Variants in AP4E1 observed in about 807,000 individuals in gnomAD.
AP4E1 encodes the protein adaptor related protein complex 4 subunit epsilon 1, also known as AP-4 complex subunit epsilon-1.
In AP4E1, 56 loss-of-function variants were observed where a neutral mutation model predicts 128.2. The ratio of observed to expected loss-of-function variants is 0.44; its 90% CI spans 0.35 to 0.55. AP4E1 has a LOEUF of 0.55. AP4E1 is among the 20% of genes least tolerant of loss of function. The probability of loss-of-function intolerance (pLI) is 0.00; values close to 1 mark genes in which losing one functional copy is unlikely to be tolerated. For synonymous variants in AP4E1, 484 were observed against 473.1 expected, an observed-to-expected ratio of 1.02 and a Z score of -0.30; for missense variants, 1,324 against 1,307.7, an observed-to-expected ratio of 1.01 and a Z score of -0.19.
At chr15:50,927,659 T>TTCTTC (rs1412326817) in intron 5 of AP4E1, among the ~76,000 whole-genome samples, 2 of 151,298 alleles carry the variant, frequency 1.3e-5, no homozygotes, top group Non-Finnish European at 2.9e-5. Flanking sequence ...TAATCTGCCT[T>TTCTTC]TCTTTTCTTT....
intron 16 of AP4E1, among the ~76,000 whole-genome samples, chr15:50,984,715 C>T (rs1184194367): frequency 1.3e-5 from 2 of 152,188 alleles, no homozygotes; most frequent in Non-Finnish European, 1.5e-5. Flanking sequence ...CATTGATGGA[C>T]ATTTGGGTTG....
intron 13 of AP4E1, among the ~76,000 whole-genome samples, chr15:50,954,304 T>G (rs2064188314): frequency 6.6e-6 from 1 of 152,176 alleles, no homozygotes. Flanking sequence ...TCTGGAAGAG[T>G]TTGCATAAAA....
intron 8 of AP4E1, among the ~76,000 whole-genome samples, chr15:50,939,419 G>A (rs1315945644): frequency 6.7e-6 from 1 of 150,218 alleles, no homozygotes; most frequent in Non-Finnish European, 1.5e-5. Flanking sequence ...GTTGCAGACT[G>A]CATCTCAAAA....
intron 15 of AP4E1, among the ~76,000 whole-genome samples, chr15:50,969,758 A>G (rs1276214273): frequency 2.0e-5 from 3 of 149,728 alleles, no homozygotes; most frequent in Non-Finnish European, 1.5e-5. Context: ...TCCTGGGTTC[A>G]TGCCATTCTC....
chr15:50,928,217 A>G (rs572201577), intron 5 of AP4E1, among the ~76,000 whole-genome samples: 4 of 151,608 alleles, frequency 2.6e-5, no homozygotes, highest in Non-Finnish European at 4.4e-5. Context: ...CTATCCAGTG[A>G]TATATATATA....
At chr15:50,927,555 C>G (rs1449658278) in intron 5 of AP4E1, among the ~76,000 whole-genome samples, 1 of 149,432 alleles carries the variant, frequency 6.7e-6, no homozygotes, top group Admixed American at 6.6e-5. Context: ...TACCTATTCT[C>G]CCCCAGAATT....
In AP4E1 at chr15:50,925,182, G is replaced by A. The variant is rs753731169; in HGVS notation, c.505G>A (p.Val169Ile). The change falls in exon 5 of 21, where the codon GTT becomes ATT. Residue 169 changes from valine to isoleucine, a missense_variant. By Grantham distance (29) the Val-to-Ile change is conservative. Transcript: ENST00000261842. The part of the protein sequence containing the change: ...QIFPCEMIPA[V>I]LPLIEDKLQH... ...TTTCCCCTGCGAAATGATTCCAGCT[G>A]TTCTTCCATTAATAGAAGATAAACT... 1.2e-6 allele frequency: 2 copies of A among 1,613,638 alleles called. No homozygotes were observed. Among genetic ancestry groups the A allele is most frequent in the Non-Finnish European group, 1.7e-6 (2 of 1,179,592 alleles).
intron 3 of AP4E1, chr15:50,915,796 T>C (rs2063623655): frequency 1.9e-6 from 1 of 531,562 alleles, no homozygotes; most frequent in Admixed American, 3.2e-5. Flanking sequence ...GATTTCTTGC[T>C]CTTGTGATGG....
Position 50,999,217 on chromosome 15 carries a change from C to T in AP4E1, c.3050C>T (p.Ala1017Val). The T allele has an allele frequency of 6.2e-7, 1 of 1,612,758 alleles. No individual in the cohort carries two copies. The highest frequency in any genetic ancestry group is 8.5e-7 in the Non-Finnish European group (1 of 1,179,250). The change falls in exon 19 of 21, where the codon GCT (alanine) becomes GTT (valine). Residue 1017 changes from alanine (A) to valine (V), a missense_variant. Ala to Val is a moderately conservative substitution (Grantham distance 64). Coordinates refer to ENST00000261842, the MANE Select transcript of AP4E1 (RefSeq NM_007347.5). Reference sequence around the variant, plus strand: ...TATCATATGATGGATACTCATTCTGCTCAGCTGGAATTTTCTGTAAACTTA... The same window carrying T: ...TATCATATGATGGATACTCATTCTGTTCAGCTGGAATTTTCTGTAAACTTA... ...ISYHMMDTHS[A>V]QLEFSVNLSL...
chr15:50,920,112 T>TCC (rs1222161176), intron 3 of AP4E1, among the ~76,000 whole-genome samples: 1 of 32,668 alleles, frequency 3.1e-5, no homozygotes, highest in Admixed American at 3.5e-4. Flanking sequence ...ATTTATGCCT[T>TCC]TTTTTTTTTT....
intron 15 of AP4E1, among the ~76,000 whole-genome samples, chr15:50,969,513 A>ATTTTG (rs2064447320): frequency 4.1e-5 from 1 of 24,292 alleles, no homozygotes; most frequent in Admixed American, 2.4e-4. Flanking sequence ...TTATTTTTAA[A>ATTTTG]TTTTCTTAAT....
rs1052138905 is a variant in AP4E1 at position 50,908,709 on chromosome 15, C to G, written c.-70C>G. 6 of 1,395,862 alleles carry G rather than the reference C, an allele frequency of 4.3e-6. No homozygotes were observed. The African/African-American group carries it at 9.2e-5, about 21-fold the overall frequency. The allele number at this position is 1,395,862 out of a possible 1,614,324, so 86.5% of individuals were successfully genotyped here. ...GTGCCTACGGAGGCCGGGCCGGCAGCGGCGGCCGGGCATGAAGCCGGGCGG... is the reference window on the plus strand; with the variant it reads ...GTGCCTACGGAGGCCGGGCCGGCAGGGGCGGCCGGGCATGAAGCCGGGCGG... On this transcript the variant is annotated 5_prime_UTR_variant, in exon 1 of 21. Transcript: ENST00000261842.
intron 14 of AP4E1, among the ~76,000 whole-genome samples, chr15:50,964,913 C>T (rs2064365918): frequency 6.8e-6 from 1 of 146,968 alleles, no homozygotes; most frequent in Non-Finnish European, 1.5e-5. Context: ...AGAGTGAGTT[C>T]TTGAGAGATC....
intron 16 of AP4E1, among the ~76,000 whole-genome samples, chr15:50,986,009 C>T (rs560588379): frequency 1.6e-4 from 24 of 152,272 alleles, no homozygotes; most frequent in Non-Finnish European, 3.2e-4. Context: ...TGTAGTTCTG[C>T]TTGAAGAGGT....
intron 10 of AP4E1, among the ~76,000 whole-genome samples, chr15:50,943,322 T>C (rs184830970): frequency 1.3e-5 from 2 of 152,276 alleles, no homozygotes; most frequent in East Asian, 3.9e-4. Flanking sequence ...GAGAGAACAC[T>C]ATTACATTAA....
chr15:50,995,143 A>G (rs1206479994), intron 17 of AP4E1, among the ~76,000 whole-genome samples: 1 of 152,160 alleles, frequency 6.6e-6, no homozygotes, highest in Non-Finnish European at 1.5e-5. Flanking sequence ...CAAAGCAGAC[A>G]GGATTGGGAC....
intron 10 of AP4E1, among the ~76,000 whole-genome samples, chr15:50,947,748 C>T (rs565722925): frequency 1.3e-5 from 2 of 152,240 alleles, no homozygotes; most frequent in African/African-American, 4.8e-5. Flanking sequence ...TTTTTAGTCT[C>T]TAAGTGTTCT....
At chr15:50,912,740 G>A (rs1409770805) in intron 2 of AP4E1, among the ~76,000 whole-genome samples, 1 of 150,558 alleles carries the variant, frequency 6.6e-6, no homozygotes, top group East Asian at 2.0e-4. Flanking sequence ...TCAGCTCACT[G>A]CAACCTCTGC....
At chr15:50,983,486 T>A (rs569932271) in intron 15 of AP4E1, among the ~76,000 whole-genome samples, 39 of 152,322 alleles carry the variant, frequency 2.6e-4, no homozygotes, top group African/African-American at 8.7e-4. Flanking sequence ...TATTGGCATC[T>A]GTCCTACCAC....
Sources: gnomAD v4.1 joint callset for allele counts (sites outside exome capture counted in the v4.1 genomes callset) on GRCh38, gnomAD v4.1.1 for gene constraint, MANE v1.5 for transcripts, NCBI Gene and HGNC (gene_info 2026-07-23, HGNC 2026-07-21) for gene names.